SYMPK: variants seen among roughly 807,000 people sequenced by gnomAD.
The protein encoded by SYMPK is symplekin scaffold protein, also known as symplekin.
A neutral mutation model predicts 136.4 loss-of-function variants in SYMPK; 49 were observed. The observed-to-expected ratio is 0.36, with a 90% CI of 0.29 to 0.46. The LOEUF (loss-of-function observed/expected upper bound fraction) is 0.46. Ranked by LOEUF, SYMPK falls within the 20% of genes least tolerant of loss-of-function variation. The probability of loss-of-function intolerance (pLI) is 1.00; values close to 1 mark genes in which losing one functional copy is unlikely to be tolerated. For missense variants in SYMPK, 1,365 were observed against 1,690.0 expected, an observed-to-expected ratio of 0.81 and a Z score of 3.37; for synonymous variants, 766 against 713.0, an observed-to-expected ratio of 1.07 and a Z score of -1.19.
chr19:45,847,407 G>C (rs1275026443), intron 7 of SYMPK, among the ~76,000 whole-genome samples: 2 of 149,326 alleles, frequency 1.3e-5, no homozygotes, highest in Non-Finnish European at 3.0e-5. Flanking sequence ...CTGGGCGACA[G>C]AGGAAGACTC....
At chr19:45,858,491 T>C (rs1971885508) in intron 1 of SYMPK, among the ~76,000 whole-genome samples, 1 of 152,154 alleles carries the variant, frequency 6.6e-6, no homozygotes, top group Non-Finnish European at 1.5e-5. Context: ...CACATGTCTC[T>C]GCAGTAAGGT....
Position 45,830,101 on chromosome 19 carries a change from G to A in SYMPK, c.1702C>T (p.Arg568Trp). 3 of 1,576,122 alleles carry A rather than the reference G, an allele frequency of 1.9e-6. No homozygotes were observed. The highest frequency in any genetic ancestry group is 2.6e-6 in the Non-Finnish European group (3 of 1,159,234). The change falls in exon 13 of 27, where the codon CGG becomes TGG. Residue 568 changes from arginine to tryptophan, a missense_variant. Around this residue, in one of 11 missense-constraint regions of SYMPK, gnomAD observed 303 missense variants for 326.6 expected, o/e 0.93. Transcript: ENST00000245934. ...ACAGCCTTCTCAGCCCGCAGGATCC[G>A]CTTCACAGCGCCCAGCTTCATGGCT... ...VEAMKLGAVK[R>W]ILRAEKAVAC... is the part of the protein sequence containing the mutation.
chr19:45,845,211 C>T (rs1971532121), intron 7 of SYMPK, among the ~76,000 whole-genome samples: 1 of 151,962 alleles, frequency 6.6e-6, no homozygotes, highest in Non-Finnish European at 1.5e-5. Flanking sequence ...CACCCAGACT[C>T]AGGTGATCCT....
chr19:45,831,680 C>A, intron 11 of SYMPK, 92 bp from the exon 12 acceptor site: 2 of 1,062,254 alleles, frequency 1.9e-6, no homozygotes, highest in Non-Finnish European at 2.6e-6. Flanking sequence ...GTTCTGAGCC[C>A]TGTACACACA....
chr19:45,836,258 G>A (rs1270160913), intron 10 of SYMPK, among the ~76,000 whole-genome samples: 1 of 151,330 alleles, frequency 6.6e-6, no homozygotes, highest in Non-Finnish European at 1.5e-5. Context: ...ATTTTTGTAT[G>A]TTTAGTAGAG....
chr19:45,815,491 G>T lies in SYMPK; in HGVS notation c.*69C>A, dbSNP rs1352998558. On this transcript the variant is annotated 3_prime_UTR_variant, in exon 27 of 27. Coordinates refer to ENST00000245934, the MANE Select transcript of SYMPK (RefSeq NM_004819.3). ...TATTTCTTTTTAAGGCAAAGCACCC[G>T]CAGGTCAAGCCCCGCCCCGTCCCCC... The T allele has an allele frequency of 5.7e-6, 7 of 1,222,016 alleles. No individual in the cohort carries two copies. Among genetic ancestry groups the T allele is most frequent in the Admixed American group, 6.2e-5 (2 of 32,028 alleles). 75.7% of individuals were successfully genotyped at this position (1,222,016 alleles called of 1,614,324 possible). A position where few individuals can be genotyped will look rare whatever the true frequency, so the allele number is the denominator to read the frequency against.
At chr19:45,838,699 G>T in intron 9 of SYMPK, 84 bp from the exon 10 acceptor site, 1 of 1,447,442 alleles carries the variant, frequency 6.9e-7, no homozygotes. Context: ...GGTGGTCCCT[G>T]CCTCTAGTCA....
In SYMPK at chr19:45,833,979, G is replaced by T. The variant is rs555716644; in HGVS notation, c.1393+1099C>A. Among the ~76,000 whole-genome samples, 67 of 151,932 alleles carry T rather than the reference G, an allele frequency of 4.4e-4. No homozygotes were observed. In the South Asian group the frequency reaches 0.013, roughly 30 times the overall value. ...ATCCTTGCTAACACGGTGAAACCCC[G>T]TCTCTACTAAAAATACAAAAAACTA... On this transcript the variant is annotated intron_variant, in intron 11 of 26. Transcript: ENST00000245934.
Position 45,831,475 on chromosome 19 carries a change from C to A in SYMPK, c.1507G>T (p.Val503Leu). The stretch of plus-strand genomic sequence containing the variant: ...GGGGACATGGAGCTCAGGGAACCCA[C>A]CACCGAGATGGCTTGGCCCTGGGCT... Reference protein sequence around the residue: ...LSAQGQAISVVGSLSSMSPLE... With the variant: ...LSAQGQAISVLGSLSSMSPLE... The change falls in exon 12 of 27, where the codon GTG becomes TTG. Residue 503 changes from valine (V) to leucine (L), a missense_variant. By Grantham distance (32) the Val-to-Leu change is conservative. Transcript: ENST00000245934. The A allele has an allele frequency of 6.2e-7, 1 of 1,610,684 alleles. No homozygotes were observed. The highest frequency in any genetic ancestry group is 8.5e-7 in the Non-Finnish European group (1 of 1,178,692).
intron 5 of SYMPK, among the ~76,000 whole-genome samples, chr19:45,851,877 AAAAC>A (rs1250991938): frequency 5.3e-5 from 8 of 152,328 alleles, no homozygotes; most frequent in Admixed American, 1.3e-4. Context: ...ACTCCGTCTC[AAAAC>A]AAACAAACAA....
intron 22 of SYMPK, chr19:45,820,121 C>A (rs1970854232): frequency 6.6e-6 from 1 of 152,338 alleles, no homozygotes; most frequent in South Asian, 2.1e-4. Flanking sequence ...AAGGCCCTTT[C>A]TTCTGGACCT....
intron 9 of SYMPK, among the ~76,000 whole-genome samples, chr19:45,841,921 A>G (rs922976087): frequency 1.3e-5 from 2 of 152,000 alleles, no homozygotes; most frequent in African/African-American, 4.8e-5. Context: ...AATAATGCAT[A>G]ATTTATTAAA....
At chr19:45,848,937 C>T (rs1971630041) in intron 5 of SYMPK, 61 bp from the exon 6 acceptor site, 1 of 1,604,112 alleles carries the variant, frequency 6.2e-7, no homozygotes, top group Non-Finnish European at 8.5e-7. Flanking sequence ...GTAGGAGGAG[C>T]CTGAGGTCCA....
Position 45,854,426 on chromosome 19 carries a change from C to G in SYMPK, c.70G>C (p.Gly24Arg). ...VASQFFTQEE[G>R]PGIDGMTTSE... Reference sequence around the variant, plus strand: ...GTGGTCATGCCATCGATGCCCGGCCCCTCCTCTTGAGTGAAAAACTGTGAT... The same window carrying G: ...GTGGTCATGCCATCGATGCCCGGCCGCTCCTCTTGAGTGAAAAACTGTGAT... Residue 24 changes from glycine (G) to arginine (R), a missense_variant, in exon 2 of 27, where the codon GGG becomes CGG. This residue lies in a region of SYMPK where 61 missense variants were observed against 80.7 expected (regional missense o/e 0.76). Coordinates refer to ENST00000245934, the MANE Select transcript of SYMPK (RefSeq NM_004819.3). 1 of 1,614,106 alleles carries G rather than the reference C, an allele frequency of 6.2e-7. No homozygotes were observed. Among genetic ancestry groups the G allele is most frequent in the Non-Finnish European group, 8.5e-7 (1 of 1,179,976 alleles).
At chr19:45,854,577 C>A (rs1971777202) in intron 1 of SYMPK, 70 bp from the exon 2 acceptor site, 1 of 1,295,724 alleles carries the variant, frequency 7.7e-7, no homozygotes, top group Non-Finnish European at 1.1e-6. Context: ...TGGATTGTCA[C>A]CCGAACACCT....
Position 45,839,327 on chromosome 19 carries a change from G to A in SYMPK, c.1088-712C>T, listed in dbSNP as rs191893120. Among the ~76,000 whole-genome samples, 5 of 152,322 alleles carry A rather than the reference G, an allele frequency of 3.3e-5. No individual in the cohort carries two copies. The East Asian group carries it at 9.6e-4, about 29-fold the overall frequency. On this transcript the variant is annotated intron_variant, in intron 9 of 26. Coordinates refer to ENST00000245934, the MANE Select transcript of SYMPK (RefSeq NM_004819.3). The stretch of plus-strand genomic sequence containing the variant: ...GAAACCAGGGTTCCTTAAAAAGAAA[G>A]ACTGATTCCAGGGCTGGGGCAAGGA...
intron 6 of SYMPK, 81 bp from the exon 7 acceptor site, chr19:45,848,082 T>C (rs1971611510): frequency 1.2e-5 from 18 of 1,467,214 alleles, no homozygotes; most frequent in Non-Finnish European, 1.7e-5. Context: ...CCTCTGCCAA[T>C]ACCCAGAGAA....
intron 10 of SYMPK, among the ~76,000 whole-genome samples, chr19:45,836,422 A>C (rs1219058029): frequency 1.3e-5 from 2 of 151,854 alleles, no homozygotes; most frequent in Non-Finnish European, 2.9e-5. Context: ...CGAGGTCAGG[A>C]GATCAAGACC....
In SYMPK at chr19:45,828,823, G is replaced by C. The variant is rs143827601; in HGVS notation, c.1985+147C>G. 1.7e-4 allele frequency: 122 copies of C among 732,334 alleles called. 2 individuals carry two copies. In the East Asian group the frequency reaches 3.2e-3, roughly 19 times the overall value. The allele number at this position is 732,334 out of a possible 1,614,324, so 45.4% of individuals were successfully genotyped here. ...ACAACCTTGAACGTGCCTCCAGAGG[G>C]GGAGGAGGAGAGGAGACTTGGGATG... On this transcript the variant is annotated intron_variant, in intron 14 of 26. Transcript: ENST00000245934.
Sources: allele counts gnomAD v4.1 joint callset (sites outside exome capture counted in the v4.1 genomes callset), GRCh38; gene constraint gnomAD v4.1.1; regional missense constraint gnomAD v4.1.1; transcripts MANE v1.5; gene names NCBI Gene and HGNC (gene_info 2026-07-23, HGNC 2026-07-21).